IL21R: variants seen among roughly 807,000 people sequenced by gnomAD.
IL21R encodes the protein interleukin-21 receptor.
IL21R carries 14 observed loss-of-function variants against 41.3 expected under a neutral mutation model. That is an observed-to-expected ratio of 0.34 (90% CI 0.22 to 0.53). IL21R has a LOEUF of 0.53. Among genes scored for constraint, IL21R ranks in the 20% least tolerant of loss-of-function variants. IL21R has a pLI of 0.94. For missense variants in IL21R, 588 were observed against 681.6 expected (o/e 0.86, Z 1.53); for synonymous variants, 286 against 287.6 (o/e 0.99, Z 0.05).
chr16:27,416,393 C>G (rs2086894090), intron 1 of IL21R, among the ~76,000 whole-genome samples: 1 of 152,190 alleles, frequency 6.6e-6, no homozygotes, highest in Non-Finnish European at 1.5e-5. Flanking sequence ...CCACCTAGGC[C>G]TCCCAGAGTG....
At position 27,429,584 on chromosome 16, in the gene IL21R, C is replaced by A. The variant is rs369175213; in HGVS notation, c.-16-472C>A. Among the ~76,000 whole-genome samples, 101 of 152,006 alleles carry A rather than the reference C, an allele frequency of 6.6e-4. 1 individual carries two copies. Among genetic ancestry groups the A allele is most frequent in the African/African-American group, 2.3e-3 (97 of 41,476 alleles). The stretch of plus-strand genomic sequence containing the variant: ...CCCAGGAGTTTGAGACCAGCCTGGG[C>A]AACATAGCAAGATGCCGTCTCTACA... On this transcript the variant is annotated intron_variant, in intron 1 of 8. Coordinates refer to ENST00000337929, the MANE Select transcript of IL21R (RefSeq NM_181078.3).
chr16:27,451,295 G>A lies in IL21R; in HGVS notation c.*2012G>A, dbSNP rs1015583475. ...CTGCACCCAGAGCTTGCTGGGTGGC[G>A]GAGGGGAACACAGATGGTTGGGGAA... On this transcript the variant is annotated 3_prime_UTR_variant, in exon 9 of 9. Coordinates refer to ENST00000337929, the MANE Select transcript of IL21R (RefSeq NM_181078.3). 27 of 229,362 alleles carry A rather than the reference G, an allele frequency of 1.2e-4. No homozygotes were observed. The highest frequency in any genetic ancestry group is 6.2e-4 in the East Asian group (10 of 16,190). 14.2% of individuals were successfully genotyped at this position (229,362 alleles called of 1,614,324 possible). A position where few individuals can be genotyped will look rare whatever the true frequency, so the allele number is the denominator to read the frequency against.
intron 4 of IL21R, among the ~76,000 whole-genome samples, chr16:27,440,246 T>TAGAGAGAGAGAGAG (rs1163938129): frequency 1.3e-5 from 1 of 78,626 alleles, no homozygotes; most frequent in Admixed American, 1.3e-4. Flanking sequence ...TATATATATA[T>TAGAGAGAGAGAGAG]ATAGAGAGAG....
chr16:27,448,725 G>A lies in IL21R; in HGVS notation c.1059G>A (p.Pro353=), dbSNP rs374745479. 27 of 1,613,306 alleles carry A rather than the reference G, an allele frequency of 1.7e-5. No homozygotes were observed. Among genetic ancestry groups the A allele is most frequent in the African/African-American group, 9.3e-5 (7 of 74,946 alleles). Residue 353 remains proline (P), a synonymous_variant, in exon 9 of 9, where the codon CCG becomes CCA. Transcript: ENST00000337929. ...SDGVPKPSFW[P]TAQNSGGSAY... ...GTGTGCCCAAGCCCAGCTTCTGGCC[G>A]ACAGCCCAGAACTCGGGGGGCTCAG...
chr16:27,409,959 A>G (rs546433217), intron 1 of IL21R, among the ~76,000 whole-genome samples: 1 of 152,240 alleles, frequency 6.6e-6, no homozygotes, highest in Admixed American at 6.5e-5. Flanking sequence ...AAATTTTCCA[A>G]TCCATGAACA....
chr16:27,438,693 C>T (rs1430030053), intron 4 of IL21R, among the ~76,000 whole-genome samples: 1 of 152,040 alleles, frequency 6.6e-6, no homozygotes, highest in Admixed American at 6.5e-5. Flanking sequence ...CATGGTGAAA[C>T]CCCATCTCTA....
chr16:27,452,003 T>C lies in IL21R; in HGVS notation c.*2720T>C, dbSNP rs901456648. On this transcript the variant is annotated 3_prime_UTR_variant, in exon 9 of 9. Transcript: ENST00000337929. ...TTGTTCACTGCCTTTAGTCCCAGCC[T>C]GGCACATAGTAGGCACTCAATAAAG... is the stretch of plus-strand genomic sequence containing the variant. 7.5e-5 allele frequency: 17 copies of C among 226,054 alleles called. No homozygotes were observed. The highest frequency in any genetic ancestry group is 1.1e-4 in the Admixed American group (2 of 17,564). The allele number at this position is 226,054 out of a possible 1,614,324, so 14.0% of individuals were successfully genotyped here. A position where few individuals can be genotyped will look rare whatever the true frequency, so the allele number is the denominator to read the frequency against.
intron 1 of IL21R, among the ~76,000 whole-genome samples, chr16:27,403,430 C>G (rs1015025941): frequency 6.6e-6 from 1 of 152,080 alleles, no homozygotes; most frequent in Non-Finnish European, 1.5e-5. Flanking sequence ...GAGGCTGCTG[C>G]GAGGAGGACA....
In IL21R at chr16:27,444,537, G is replaced by A. The variant is rs765899794; in HGVS notation, c.508-5G>A. The A allele has an allele frequency of 4.0e-6, 6 of 1,484,906 alleles. No homozygotes were observed. The highest frequency in any genetic ancestry group is 4.5e-6 in the Non-Finnish European group (5 of 1,113,370). 92.0% of individuals were successfully genotyped at this position (1,484,906 alleles called of 1,614,324 possible). A position where few individuals can be genotyped will look rare whatever the true frequency, so the allele number is the denominator to read the frequency against. On this transcript the variant is annotated splice_polypyrimidine_tract_variant and splice_region_variant and intron_variant, in intron 5 of 8. Transcript: ENST00000337929. ...ACCTGGTGCATCCTTTCCTTGTACT[G>A]GCAGAGTCCGAGGAGAAAGCTGATC... is the stretch of plus-strand genomic sequence containing the variant.
Position 27,404,217 on chromosome 16 carries a change from T to C in IL21R, c.-17+1599T>C, listed in dbSNP as rs919241483. 2.0e-5 allele frequency among the ~76,000 whole-genome samples: 3 copies of C among 152,040 alleles called. 1 individual carries two copies. Among genetic ancestry groups the C allele is most frequent in the African/African-American group, 4.8e-5 (2 of 41,402 alleles). ...TGCCCGCTCCTCTGCCAGGAGGGTG[T>C]CCGGATCCTTACTCAGTCCCACAGT... On this transcript the variant is annotated intron_variant, in intron 1 of 8. Coordinates refer to ENST00000337929, the MANE Select transcript of IL21R (RefSeq NM_181078.3).
rs1452916331 is a variant in IL21R, at chr16:27,445,236, A to G, written c.745A>G (p.Ile249Val). 1 of 1,614,092 alleles carries G rather than the reference A, an allele frequency of 6.2e-7. No individual in the cohort carries two copies. The change falls in exon 7 of 9, where the codon ATT becomes GTT. Residue 249 changes from isoleucine (I) to valine (V), a missense_variant. Physicochemically the swap from Ile to Val is conservative, Grantham distance 29. Coordinates refer to ENST00000337929, the MANE Select transcript of IL21R (RefSeq NM_181078.3). ...TCTCCTCCTGCTTGTCATAGTCTTCATTCCTGCCTTCTGGAGCCTGAAGAC... is the reference window on the plus strand; with the variant it reads ...TCTCCTCCTGCTTGTCATAGTCTTCGTTCCTGCCTTCTGGAGCCTGAAGAC... ...LLLLLLVIVFIPAFWSLKTHP... is the reference protein window; with the variant it reads ...LLLLLLVIVFVPAFWSLKTHP...
intron 1 of IL21R, among the ~76,000 whole-genome samples, chr16:27,418,492 C>T (rs970192423): frequency 1.3e-5 from 2 of 152,180 alleles, no homozygotes; most frequent in Admixed American, 6.5e-5. Flanking sequence ...TCTCAGCCTC[C>T]AGAGTAGCTG....
At chr16:27,423,027 A>G (rs2087020915) in intron 1 of IL21R, among the ~76,000 whole-genome samples, 1 of 152,180 alleles carries the variant, frequency 6.6e-6, no homozygotes, top group African/African-American at 2.4e-5. Context: ...CCAGGCCCTG[A>G]ACTCTAATTC....
chr16:27,446,083 T>A lies in IL21R; in HGVS notation c.862T>A (p.Phe288Ile). The A allele has an allele frequency of 6.2e-7, 1 of 1,613,262 alleles. No homozygotes were observed. Among genetic ancestry groups the A allele is most frequent in the Non-Finnish European group, 8.5e-7 (1 of 1,179,652 alleles). The change falls in exon 8 of 9, where the codon TTC (phenylalanine) becomes ATC (isoleucine). Residue 288 changes from phenylalanine (F) to isoleucine (I), a missense_variant. Phe to Ile is a conservative substitution (Grantham distance 21). Transcript: ENST00000337929. ...CCTGTACAAGGGCTGCAGCGGAGAC[T>A]TCAAGGTGAGCTCCCGACCCTGTGA... ...MPLYKGCSGD[F>I]KKWVGAPFTG...
chr16:27,407,070 G>A (rs767093571), intron 1 of IL21R, among the ~76,000 whole-genome samples: 2 of 152,176 alleles, frequency 1.3e-5, no homozygotes, highest in African/African-American at 2.4e-5. Context: ...GAGTTTCTGG[G>A]GACAGTGAGG....
chr16:27,424,557 G>A (rs572869232), intron 1 of IL21R, among the ~76,000 whole-genome samples: 1 of 152,186 alleles, frequency 6.6e-6, no homozygotes, highest in East Asian at 1.9e-4. Context: ...CTTCAAATTC[G>A]ATGACACTTT....
intron 1 of IL21R, among the ~76,000 whole-genome samples, chr16:27,421,415 G>A (rs902569506): frequency 5.4e-5 from 8 of 148,932 alleles, no homozygotes; most frequent in African/African-American, 1.2e-4. Flanking sequence ...AATTTGAGGC[G>A]TCATCTTGAT....
chr16:27,409,393 C>T (rs1314910913), intron 1 of IL21R, among the ~76,000 whole-genome samples: 1 of 151,300 alleles, frequency 6.6e-6, no homozygotes, highest in African/African-American at 2.4e-5. Context: ...ATTTATAAAT[C>T]TTTCTTTATG....
chr16:27,426,915 G>A (rs2087086778), intron 1 of IL21R, among the ~76,000 whole-genome samples: 1 of 152,166 alleles, frequency 6.6e-6, no homozygotes, highest in Non-Finnish European at 1.5e-5. Flanking sequence ...ATGGGAATGA[G>A]AAATCCACAG....
Sources: allele counts gnomAD v4.1 joint callset (sites outside exome capture counted in the v4.1 genomes callset), GRCh38; gene constraint gnomAD v4.1.1; transcripts MANE v1.5; gene names NCBI Gene and HGNC (gene_info 2026-07-23, HGNC 2026-07-21).